Variants in BBX observed in about 807,000 individuals in gnomAD.
The protein encoded by BBX is BBX high mobility group box domain containing.
BBX carries 30 observed loss-of-function variants against 100.2 expected under a neutral mutation model. The ratio of observed to expected loss-of-function variants is 0.30; its 90% confidence interval spans 0.22 to 0.41. The LOEUF (loss-of-function observed/expected upper bound fraction) is 0.41, where lower values mean the gene tolerates loss of function less well. BBX is among the 10% of genes least tolerant of loss of function. The pLI, the probability that BBX is intolerant of heterozygous loss-of-function variation, is 1.00. For synonymous variants in BBX, 376 were observed against 388.1 expected (o/e 0.97, Z 0.37); for missense variants, 1,023 against 1,129.8 (o/e 0.91, Z 1.35).
At chr3:107,799,999 G>A (rs1486561869) in intron 16 of BBX, among the ~76,000 whole-genome samples, 1 of 152,176 alleles carries the variant, frequency 6.6e-6, no homozygotes, top group Non-Finnish European at 1.5e-5. Flanking sequence ...GGTGTTAATA[G>A]AGGGGAACTG....
At chr3:107,606,965 A>G (rs1266014666) in intron 2 of BBX, among the ~76,000 whole-genome samples, 6 of 152,122 alleles carry the variant, frequency 3.9e-5, no homozygotes, top group Admixed American at 2.0e-4. Context: ...TCTACTCTCT[A>G]TCTCCAATGG....
intron 7 of BBX, 103 bp from the exon 8 acceptor site, chr3:107,744,527 A>G: frequency 2.4e-6 from 2 of 819,994 alleles, no homozygotes; most frequent in Non-Finnish European, 4.0e-6. Flanking sequence ...TGTTTCTGTA[A>G]CTGTTGTTGA....
chr3:107,714,593 A>C (rs923826688), intron 4 of BBX, among the ~76,000 whole-genome samples: 2 of 152,152 alleles, frequency 1.3e-5, no homozygotes, highest in Non-Finnish European at 2.9e-5. Context: ...ATGCTAAATA[A>C]AACTCGCTTG....
At chr3:107,735,007 A>G (rs1295665115) in intron 7 of BBX, among the ~76,000 whole-genome samples, 1 of 152,166 alleles carries the variant, frequency 6.6e-6, no homozygotes, top group African/African-American at 2.4e-5. Context: ...TAGGTCTTTA[A>G]GAATCACTTC....
At chr3:107,590,306 T>C (rs1350919354) in intron 2 of BBX, among the ~76,000 whole-genome samples, 3 of 152,206 alleles carry the variant, frequency 2.0e-5, no homozygotes, top group African/African-American at 7.2e-5. Flanking sequence ...TTTGTGATAT[T>C]TTGATACATC....
intron 13 of BBX, among the ~76,000 whole-genome samples, chr3:107,781,894 G>T (rs1164758539): frequency 6.6e-6 from 1 of 152,062 alleles, no homozygotes; most frequent in African/African-American, 2.4e-5. Context: ...AATCACAGTG[G>T]GAATAAAAGA....
intron 3 of BBX, among the ~76,000 whole-genome samples, chr3:107,665,656 T>C (rs1016438022): frequency 6.6e-6 from 1 of 152,204 alleles, no homozygotes; most frequent in African/African-American, 2.4e-5. Context: ...CGATTTCATT[T>C]ATCAGGCAAC....
At position 107,773,987 on chromosome 3, in the gene BBX, T is replaced by C. The variant is rs531792172; in HGVS notation, c.1915+351T>C. Among the ~76,000 whole-genome samples, 5 of 152,272 alleles carry C rather than the reference T, an allele frequency of 3.3e-5. No homozygotes were observed. The East Asian group carries it at 9.7e-4, about 29-fold the overall frequency. Reference sequence around the variant, plus strand: ...TTGAAAACTGGTGGAATTTCGAGAATCAAGCACGTATGTTTGTCAGAATCT... The same window carrying C: ...TTGAAAACTGGTGGAATTTCGAGAACCAAGCACGTATGTTTGTCAGAATCT... On this transcript the variant is annotated intron_variant, in intron 11 of 17. Coordinates refer to ENST00000325805, the MANE Select transcript of BBX (RefSeq NM_001142568.3). This position sits in a 1 kb window ranked among gnomAD's most constrained non-coding sequence, Gnocchi z 4.1.
At chr3:107,724,154 A>G (rs2062745704) in intron 5 of BBX, among the ~76,000 whole-genome samples, 1 of 152,312 alleles carries the variant, frequency 6.6e-6, no homozygotes, top group South Asian at 2.1e-4. Context: ...CATTTCTCTG[A>G]TGGCCAGTGA....
intron 2 of BBX, among the ~76,000 whole-genome samples, chr3:107,598,041 A>T (rs1025540595): frequency 3.3e-5 from 5 of 152,136 alleles, no homozygotes; most frequent in African/African-American, 1.2e-4. Flanking sequence ...GTACTTGGAA[A>T]AGTTGACATG....
At chr3:107,584,079 T>TTA (rs1348755139) in intron 2 of BBX, among the ~76,000 whole-genome samples, 1 of 22,874 alleles carries the variant, frequency 4.4e-5, no homozygotes, top group East Asian at 4.3e-4. Flanking sequence ...ATTATATATA[T>TTA]TATATATATC....
rs536377012 is a variant in BBX at position 107,526,734 on chromosome 3, G to T, written c.-84+336G>T. On this transcript the variant is annotated intron_variant, in intron 2 of 17. Transcript: ENST00000325805. ...AATGCTAGACAATACTATAGGAAGA[G>T]TGCAGTGTATGAGTGGAGAGAATTA... 5.6e-4 allele frequency: 94 copies of T among 167,620 alleles called. 1 individual carries two copies. The South Asian group carries it at 0.01, about 19-fold the overall frequency. 10.4% of individuals were successfully genotyped at this position (167,620 alleles called of 1,614,324 possible).
chr3:107,740,431 G>T (rs983016973), intron 7 of BBX, among the ~76,000 whole-genome samples: 1 of 151,904 alleles, frequency 6.6e-6, no homozygotes, highest in African/African-American at 2.4e-5. Context: ...GATTCAGTTG[G>T]AGTCTCACAT....
intron 1 of BBX, chr3:107,524,588 A>C (rs903310908): frequency 7.5e-6 from 1 of 132,866 alleles, no homozygotes; most frequent in African/African-American, 2.8e-5. Context: ...ACGATGCAAA[A>C]AGCTAAGACA....
In BBX at chr3:107,801,295, G is replaced by A. The variant is rs772893596; in HGVS notation, c.2738+14G>A. 3.7e-6 allele frequency: 6 copies of A among 1,608,826 alleles called. No homozygotes were observed. The highest frequency in any genetic ancestry group is 4.2e-6 in the Non-Finnish European group (5 of 1,176,980). ...AAATGTGCACAGGTTAGTGGTAGAA[G>A]GTGGAAGGAGAAAGCAACATGGAAA... On this transcript the variant is annotated intron_variant, in intron 17 of 17. Coordinates refer to ENST00000325805, the MANE Select transcript of BBX (RefSeq NM_001142568.3).
intron 9 of BBX, among the ~76,000 whole-genome samples, chr3:107,753,692 A>G (rs886418847): frequency 1.3e-5 from 2 of 152,172 alleles, no homozygotes; most frequent in Non-Finnish European, 2.9e-5. Context: ...TGCAGTGACA[A>G]AAGCAACAGC....
intron 2 of BBX, among the ~76,000 whole-genome samples, chr3:107,615,767 GATATTC>G (rs1025058999): frequency 6.6e-6 from 1 of 152,112 alleles, no homozygotes; most frequent in African/African-American, 2.4e-5. Context: ...CCTAGATTGA[GATATTC>G]ATTTAAAAGT....
intron 17 of BBX, 80 bp downstream of exon 17, chr3:107,801,361 A>G (rs1389471858): frequency 4.0e-6 from 6 of 1,481,956 alleles, no homozygotes; most frequent in Non-Finnish European, 4.5e-6. Context: ...CATTTTTTAC[A>G]GGGCATTGGG....
intron 2 of BBX, among the ~76,000 whole-genome samples, chr3:107,594,893 G>T (rs2053575128): frequency 1.3e-5 from 2 of 152,154 alleles, no homozygotes; most frequent in Admixed American, 1.3e-4. Flanking sequence ...ACCTTTAAAA[G>T]ATGAGGCAAT....
Sources: gnomAD v4.1 joint callset for allele counts (sites outside exome capture counted in the v4.1 genomes callset) on GRCh38, gnomAD v4.1.1 for gene constraint, Gnocchi (gnomAD v3.1) non-coding constraint, MANE v1.5 for transcripts, NCBI Gene and HGNC (gene_info 2026-07-23, HGNC 2026-07-21) for gene names.